ANKMY1: variants seen among roughly 807,000 people sequenced by gnomAD.
The protein encoded by ANKMY1 is ankyrin repeat and MYND domain containing 1.
ANKMY1 carries 98 observed loss-of-function variants against 102.0 expected under a neutral mutation model. The ratio of observed to expected loss-of-function variants is 0.96; its 90% CI spans 0.82 to 1.14. The LOEUF (loss-of-function observed/expected upper bound fraction) is 1.14. Ranked by LOEUF, ANKMY1 falls within the 50% of genes most tolerant of loss-of-function variation. The pLI is 0.00. For missense variants in ANKMY1, 1,330 were observed against 1,347.6 expected, an observed-to-expected ratio of 0.99 and a Z score of 0.20; for synonymous variants, 582 against 559.9, an observed-to-expected ratio of 1.04 and a Z score of -0.56.
chr2:240,542,172 C>T (rs1465228569), intron 4 of ANKMY1, among the ~76,000 whole-genome samples: 1 of 145,198 alleles, frequency 6.9e-6, no homozygotes, highest in African/African-American at 2.6e-5. Flanking sequence ...TGTACCACTG[C>T]ACTCTAGCCT....
chr2:240,479,875 T>C lies in ANKMY1; in HGVS notation c.3047-220A>G, dbSNP rs181238653. 1.7e-3 allele frequency among the ~76,000 whole-genome samples: 265 copies of C among 152,262 alleles called. 1 individual carries two copies. The highest frequency in any genetic ancestry group is 3.2e-3 in the Non-Finnish European group (217 of 68,014). ...ACCCACCAAGTCCCATCCTGGAGTC[T>C]ACAAGCCAAGGAGCTGCGACCTCAC... On this transcript the variant is annotated intron_variant, in intron 17 of 17. Transcript: ENST00000401804.
chr2:240,551,550 G>C (rs562639635), intron 4 of ANKMY1, among the ~76,000 whole-genome samples: 2 of 152,324 alleles, frequency 1.3e-5, no homozygotes, highest in South Asian at 4.1e-4. Context: ...AGGGCACCAG[G>C]AAACTGAAGC....
At chr2:240,533,283 T>G (rs2085883905) in intron 4 of ANKMY1, among the ~76,000 whole-genome samples, 1 of 151,930 alleles carries the variant, frequency 6.6e-6, no homozygotes, top group South Asian at 2.1e-4. Flanking sequence ...AGAGAAGAAA[T>G]GTATAACAGG....
intron 3 of ANKMY1, 139 bp from the exon 4 acceptor site, chr2:240,553,196 T>A: frequency 9.6e-7 from 1 of 1,044,684 alleles, no homozygotes; most frequent in Non-Finnish European, 1.4e-6. Context: ...ATGCCTGGCA[T>A]GCGACTATTA....
intron 15 of ANKMY1, among the ~76,000 whole-genome samples, chr2:240,487,179 C>A (rs1456330295): frequency 1.3e-5 from 2 of 152,148 alleles, no homozygotes; most frequent in Non-Finnish European, 2.9e-5. Context: ...CTAGTCTCTA[C>A]CTCCATGTGT....
chr2:240,475,674 A>G (rs1315227200), downstream of ANKMY1, among the ~76,000 whole-genome samples: 1 of 151,930 alleles, frequency 6.6e-6, no homozygotes, highest in African/African-American at 2.4e-5. Context: ...GTTAGTGCAT[A>G]AAAACACAAC....
At chr2:240,545,869 C>T (rs2090249545) in intron 4 of ANKMY1, among the ~76,000 whole-genome samples, 3 of 152,120 alleles carry the variant, frequency 2.0e-5, no homozygotes, top group South Asian at 4.2e-4. Flanking sequence ...GTGAAAAGAC[C>T]AAATCTACGT....
intron 15 of ANKMY1, among the ~76,000 whole-genome samples, chr2:240,495,303 C>G (rs1415755977): frequency 6.6e-6 from 1 of 152,172 alleles, no homozygotes; most frequent in Non-Finnish European, 1.5e-5. Context: ...ACTCCACCAC[C>G]TCTTGTGGAG....
chr2:240,557,170 C>T lies in ANKMY1; in HGVS notation c.146+20G>A, dbSNP rs2125269705. 1.4e-6 allele frequency: 2 copies of T among 1,465,374 alleles called. No individual in the cohort carries two copies. The highest frequency in any genetic ancestry group is 1.8e-6 in the Non-Finnish European group (2 of 1,099,128). The allele number at this position is 1,465,374 out of a possible 1,614,324, so 90.8% of individuals were successfully genotyped here. A position where few individuals can be genotyped will look rare whatever the true frequency, so the allele number is the denominator to read the frequency against. Reference sequence around the variant, plus strand: ...GCCCCAGGTCAGGGTCGGACCTCCCCGCTGGAGGGTCCCCCGCACCTTGTG... The same window carrying T: ...GCCCCAGGTCAGGGTCGGACCTCCCTGCTGGAGGGTCCCCCGCACCTTGTG... On this transcript the variant is annotated intron_variant, in intron 2 of 17. Transcript: ENST00000401804.
At chr2:240,471,399 C>T in the ANKMY1 span, among the ~76,000 whole-genome samples, 1 of 151,168 alleles carries the variant, frequency 6.6e-6, no homozygotes, top group South Asian at 2.1e-4. Context: ...GCTGAGATTA[C>T]AAGATTCTTT....
Position 240,499,881 on chromosome 2 carries a change from C to T in ANKMY1, c.2806+77G>A, listed in dbSNP as rs2077869670. On this transcript the variant is annotated intron_variant, in intron 15 of 17. Coordinates refer to ENST00000401804, the MANE Select transcript of ANKMY1 (RefSeq NM_001282771.3). This position sits in a 1 kb window ranked among gnomAD's most constrained non-coding sequence, Gnocchi z 4.2. Reference sequence around the variant, plus strand: ...TCCAAGAGCCCCAGGGGGTCCAGATCTCCAGGGATAACAGCCCCAGGCACG... The same window carrying T: ...TCCAAGAGCCCCAGGGGGTCCAGATTTCCAGGGATAACAGCCCCAGGCACG... 2.7e-6 allele frequency: 4 copies of T among 1,495,602 alleles called. No homozygotes were observed. The highest frequency in any genetic ancestry group is 1.8e-6 in the Non-Finnish European group (2 of 1,115,316). The allele number at this position is 1,495,602 out of a possible 1,614,324, so 92.6% of individuals were successfully genotyped here. A position where few individuals can be genotyped will look rare whatever the true frequency, so the allele number is the denominator to read the frequency against.
rs766315929 is a variant in ANKMY1 at position 240,552,975 on chromosome 2, G to A, written c.419C>T (p.Thr140Ile). The A allele has an allele frequency of 2.5e-5, 41 of 1,612,474 alleles. No individual in the cohort carries two copies. Among genetic ancestry groups the A allele is most frequent in the Non-Finnish European group, 3.0e-5 (35 of 1,179,578 alleles). Residue 140 changes from threonine (T) to isoleucine (I), a missense_variant, in exon 4 of 18, where the codon ACA becomes ATA. Transcript: ENST00000401804. ...GCCTTCTCGGTGGCTGAGGTAAAAT[G>A]TGCCCGTGAAACTGGAGCCATCTGG... is the stretch of plus-strand genomic sequence containing the variant. ...MWPDGSSFTG[T>I]FYLSHREGYG...
At chr2:240,525,376 C>T (rs1002460914) in intron 7 of ANKMY1, among the ~76,000 whole-genome samples, 5 of 152,256 alleles carry the variant, frequency 3.3e-5, no homozygotes, top group Non-Finnish European at 7.3e-5. Flanking sequence ...CTCAGCCCCA[C>T]CTTGGGGGCA....
chr2:240,512,654 G>C, intron 10 of ANKMY1, 148 bp downstream of exon 10: 1 of 1,130,866 alleles, frequency 8.8e-7, no homozygotes, highest in Non-Finnish European at 1.2e-6. Flanking sequence ...ATCTGGACGG[G>C]TTGTTTCTAT....
chr2:240,508,768 AT>A (rs2079548789), intron 12 of ANKMY1, among the ~76,000 whole-genome samples: 1 of 152,122 alleles, frequency 6.6e-6, no homozygotes, highest in South Asian at 2.1e-4. Context: ...GGATGAATGA[AT>A]GAATGAATGA....
chr2:240,529,570 T>C lies in ANKMY1; in HGVS notation c.481-61A>G. On this transcript the variant is annotated intron_variant, in intron 4 of 17. Coordinates refer to ENST00000401804, the MANE Select transcript of ANKMY1 (RefSeq NM_001282771.3). The surrounding 1 kb of genome is among the most constrained non-coding windows in gnomAD (Gnocchi z 4.2). ...CGCGACCCAGCTGCACATGTGATCA[T>C]GTTTGTAACGTCAAAAGAAATCCCA... is the stretch of plus-strand genomic sequence containing the variant. The C allele has an allele frequency of 7.0e-7, 1 of 1,433,918 alleles. No homozygotes were observed. Among genetic ancestry groups the C allele is most frequent in the Non-Finnish European group, 9.4e-7 (1 of 1,069,502 alleles). The allele number at this position is 1,433,918 out of a possible 1,614,324, so 88.8% of individuals were successfully genotyped here.
chr2:240,540,144 C>T (rs1343758663), intron 4 of ANKMY1, among the ~76,000 whole-genome samples: 1 of 152,244 alleles, frequency 6.6e-6, no homozygotes, highest in Non-Finnish European at 1.5e-5. Context: ...CTGTAAATTA[C>T]AGAGTCCCTG....
upstream of ANKMY1, among the ~76,000 whole-genome samples, chr2:240,559,186 T>G (rs1427649480): frequency 6.6e-6 from 1 of 152,204 alleles, no homozygotes; most frequent in Non-Finnish European, 1.5e-5. Flanking sequence ...CCCAATCCAT[T>G]ACCTCAATGG....
intron 13 of ANKMY1, among the ~76,000 whole-genome samples, chr2:240,505,615 A>T (rs1334858572): frequency 6.6e-6 from 1 of 152,182 alleles, no homozygotes; most frequent in East Asian, 1.9e-4. Flanking sequence ...ACAGAGACAG[A>T]CAGGGCCAGA....
Sources: gnomAD v4.1 joint callset for allele counts (sites outside exome capture counted in the v4.1 genomes callset) on GRCh38, gnomAD v4.1.1 for gene constraint, Gnocchi (gnomAD v3.1) non-coding constraint, MANE v1.5 for transcripts, NCBI Gene and HGNC (gene_info 2026-07-23, HGNC 2026-07-21) for gene names.